Variants in BFSP2 observed in about 807,000 individuals in gnomAD.
BFSP2 encodes the protein beaded filament structural protein 2.
A neutral mutation model predicts 44.9 loss-of-function variants in BFSP2; 38 were observed. That is an observed-to-expected ratio of 0.85 (90% CI 0.65 to 1.11). BFSP2 has a LOEUF of 1.11. Ranked by LOEUF, BFSP2 falls within the 50% of genes least tolerant of loss-of-function variation. The pLI, the probability that BFSP2 is intolerant of heterozygous loss-of-function variation, is 0.00. For missense variants in BFSP2, 525 were observed against 533.0 expected (o/e 0.99, Z 0.15); for synonymous variants, 197 against 209.9 (o/e 0.94, Z 0.53).
At chr3:133,455,539 T>A (rs2107931228) in intron 4 of BFSP2, 1 of 152,314 alleles carries the variant, frequency 6.6e-6, no homozygotes, top group East Asian at 1.9e-4. Context: ...GATACTCCTC[T>A]TTTGATCAGC....
intron 1 of BFSP2, among the ~76,000 whole-genome samples, chr3:133,433,866 A>G (rs1241997559): frequency 2.0e-5 from 3 of 152,262 alleles, no homozygotes; most frequent in African/African-American, 7.2e-5. Context: ...TCGGAATGCT[A>G]CAAGGTACAG....
chr3:133,421,012 G>T (rs984200604), intron 1 of BFSP2, among the ~76,000 whole-genome samples: 1 of 152,198 alleles, frequency 6.6e-6, no homozygotes, highest in African/African-American at 2.4e-5. Context: ...CACATTAAGG[G>T]AGAATAATCC....
intron 6 of BFSP2, among the ~76,000 whole-genome samples, chr3:133,473,571 A>G (rs2074187047): frequency 6.6e-6 from 1 of 151,274 alleles, no homozygotes; most frequent in South Asian, 2.1e-4. Context: ...AAGTGAACAA[A>G]GGTCTCTGGT....
chr3:133,455,329 C>T (rs2074003941), intron 4 of BFSP2: 1 of 152,198 alleles, frequency 6.6e-6, no homozygotes, highest in Admixed American at 6.5e-5. Flanking sequence ...AGGTACCCAC[C>T]AGGGCCGCAT....
chr3:133,437,111 G>T (rs894650835), intron 1 of BFSP2, among the ~76,000 whole-genome samples: 2 of 152,138 alleles, frequency 1.3e-5, no homozygotes, highest in African/African-American at 2.4e-5. Flanking sequence ...AATCCTTTGG[G>T]TATATATCCA....
chr3:133,450,849 C>T (rs889216306), intron 4 of BFSP2, among the ~76,000 whole-genome samples: 4 of 152,134 alleles, frequency 2.6e-5, no homozygotes, highest in Non-Finnish European at 4.4e-5. Context: ...TGGTAGCTCA[C>T]GCCTGTAATC....
At chr3:133,459,736 A>G (rs1306490666) in intron 4 of BFSP2, among the ~76,000 whole-genome samples, 1 of 152,200 alleles carries the variant, frequency 6.6e-6, no homozygotes, top group Non-Finnish European at 1.5e-5. Flanking sequence ...CTGGCTGAGG[A>G]AGGTCGGGAG....
intron 1 of BFSP2, among the ~76,000 whole-genome samples, chr3:133,434,169 C>T (rs1371382976): frequency 1.3e-5 from 2 of 152,212 alleles, no homozygotes; most frequent in Non-Finnish European, 2.9e-5. Context: ...TGCTGAATCT[C>T]CTTAGGCACT....
intron 1 of BFSP2, among the ~76,000 whole-genome samples, chr3:133,439,351 C>G (rs2073822255): frequency 6.6e-6 from 1 of 152,214 alleles, no homozygotes; most frequent in Non-Finnish European, 1.5e-5. Flanking sequence ...CTTGCTTAGT[C>G]TATTCTGTTA....
At chr3:133,402,452 A>G (rs115228406) in intron 1 of BFSP2, among the ~76,000 whole-genome samples, 2,641 of 152,276 alleles carry the variant, frequency 0.017, 65 homozygotes, top group African/African-American at 0.056. Flanking sequence ...ATCCTGTGAG[A>G]GCACCACAGC....
intron 1 of BFSP2, among the ~76,000 whole-genome samples, chr3:133,408,763 T>C (rs1262433314): frequency 6.6e-6 from 1 of 152,242 alleles, no homozygotes. Context: ...TATTTCATTC[T>C]ACCATCTAGC....
At chr3:133,448,407 T>G (rs1453304560) in intron 2 of BFSP2, 82 bp from the exon 3 acceptor site, 4 of 1,517,462 alleles carry the variant, frequency 2.6e-6, no homozygotes, top group Non-Finnish European at 3.6e-6. Flanking sequence ...TATCACATAA[T>G]TGGCCTGTTG....
At chr3:133,467,426 C>T (rs1408314825) in intron 5 of BFSP2, among the ~76,000 whole-genome samples, 1 of 152,162 alleles carries the variant, frequency 6.6e-6, no homozygotes, top group South Asian at 2.1e-4. Flanking sequence ...ATTCCAGAGA[C>T]CACATCCTCG....
chr3:133,417,770 T>TCC (rs2073555206), intron 1 of BFSP2, among the ~76,000 whole-genome samples: 2 of 54,792 alleles, frequency 3.7e-5, no homozygotes, highest in Non-Finnish European at 3.5e-5. Flanking sequence ...CTGTCACCTC[T>TCC]CCTCTATTCA....
At chr3:133,463,165 C>T (rs2074079504) in intron 4 of BFSP2, among the ~76,000 whole-genome samples, 1 of 151,962 alleles carries the variant, frequency 6.6e-6, no homozygotes, top group African/African-American at 2.4e-5. Flanking sequence ...AAAAATTAGC[C>T]GGGCATGGTG....
intron 4 of BFSP2, among the ~76,000 whole-genome samples, chr3:133,466,104 T>A (rs986367402): frequency 6.6e-6 from 1 of 152,146 alleles, no homozygotes; most frequent in Non-Finnish European, 1.5e-5. Context: ...TGCAATCGCC[T>A]TTGCACCAAC....
At chr3:133,412,392 C>T (rs1208734747) in intron 1 of BFSP2, 2 of 152,250 alleles carry the variant, frequency 1.3e-5, no homozygotes, top group Non-Finnish European at 2.9e-5. Context: ...ATTGAATAAA[C>T]TTGAAGACAT....
intron 1 of BFSP2, among the ~76,000 whole-genome samples, chr3:133,422,119 A>AAAG (rs1167086642): frequency 4.6e-5 from 7 of 151,432 alleles, no homozygotes; most frequent in African/African-American, 1.7e-4. Context: ...AAAAAAAAAA[A>AAAG]AAAAAAATCC....
intron 2 of BFSP2, 131 bp downstream of exon 2, chr3:133,447,530 T>C (rs1048488493): frequency 2.1e-6 from 2 of 956,870 alleles, no homozygotes; most frequent in Non-Finnish European, 3.1e-6. Flanking sequence ...AACAGAGCCA[T>C]GATTATCCAG....
Sources: gnomAD v4.1 joint callset for allele counts (sites outside exome capture counted in the v4.1 genomes callset) on GRCh38, gnomAD v4.1.1 for gene constraint, MANE v1.5 for transcripts, NCBI Gene and HGNC (gene_info 2026-07-23, HGNC 2026-07-21) for gene names.